The following CA10 variants were observed in gnomAD, a reference collection of about 807,000 sequenced individuals.
The protein encoded by CA10 is carbonic anhydrase 10 (inactive), also known as carbonic anhydrase-related protein 10.
CA10 carries 14 observed loss-of-function variants against 44.2 expected under a neutral mutation model. That is an observed-to-expected ratio of 0.32 (90% CI 0.21 to 0.50). The LOEUF is 0.50. Ranked by LOEUF, CA10 falls within the 20% of genes least tolerant of loss-of-function variation. The probability of loss-of-function intolerance (pLI) is 0.99; values close to 1 mark genes in which losing one functional copy is unlikely to be tolerated. For missense variants in CA10, 350 were observed against 409.7 expected, an observed-to-expected ratio of 0.85 and a Z score of 1.26; for synonymous variants, 159 against 141.6, an observed-to-expected ratio of 1.12 and a Z score of -0.87.
At chr17:51,803,407 G>C (rs997017341) in intron 3 of CA10, among the ~76,000 whole-genome samples, 3 of 151,992 alleles carry the variant, frequency 2.0e-5, no homozygotes, top group African/African-American at 7.3e-5. Context: ...GCCTCAGCTG[G>C]AGACTACACT....
chr17:51,750,475 G>A (rs1904854382), intron 3 of CA10, among the ~76,000 whole-genome samples: 1 of 150,468 alleles, frequency 6.6e-6, no homozygotes, highest in African/African-American at 2.4e-5. Flanking sequence ...ATGTTTAGCT[G>A]ATTGTTGAAT....
intron 2 of CA10, among the ~76,000 whole-genome samples, chr17:52,050,360 T>C (rs776759975): frequency 5.3e-5 from 8 of 152,046 alleles, no homozygotes; most frequent in South Asian, 2.1e-4. Context: ...CCAAGTCTAG[T>C]CACTGTTATT....
chr17:51,979,475 T>C (rs1984579074), intron 2 of CA10, among the ~76,000 whole-genome samples: 1 of 152,098 alleles, frequency 6.6e-6, no homozygotes, highest in African/African-American at 2.4e-5. Flanking sequence ...TCTGCTCCTC[T>C]CCCTTCTCTT....
intron 2 of CA10, among the ~76,000 whole-genome samples, chr17:52,034,795 T>A (rs1238863304): frequency 1.3e-5 from 2 of 152,172 alleles, no homozygotes; most frequent in Non-Finnish European, 2.9e-5. Flanking sequence ...AAATAAGTGA[T>A]GGTGAAATAA....
intron 2 of CA10, among the ~76,000 whole-genome samples, chr17:52,015,054 G>A (rs925570174): frequency 1.3e-5 from 2 of 151,998 alleles, no homozygotes; most frequent in Admixed American, 6.6e-5. Flanking sequence ...TATAGTATGT[G>A]CAATAATTAT....
chr17:51,654,690 A>G (rs1353865111), intron 4 of CA10, among the ~76,000 whole-genome samples: 4 of 151,838 alleles, frequency 2.6e-5, no homozygotes, highest in African/African-American at 7.3e-5. Flanking sequence ...CCAAGTAGCT[A>G]GGACTACAGG....
intron 3 of CA10, among the ~76,000 whole-genome samples, chr17:51,875,161 A>G (rs926121502): frequency 6.6e-6 from 1 of 151,978 alleles, no homozygotes; most frequent in Non-Finnish European, 1.5e-5. Context: ...TTTTTTAGAG[A>G]TAGGGTCTCC....
chr17:52,085,421 A>G (rs1402853636), intron 1 of CA10, among the ~76,000 whole-genome samples: 3 of 152,218 alleles, frequency 2.0e-5, no homozygotes, highest in African/African-American at 7.2e-5. Context: ...AGACATGCAC[A>G]GAGTCTTCCT....
intron 4 of CA10, among the ~76,000 whole-genome samples, chr17:51,704,171 A>ATGAT (rs1915689384): frequency 6.6e-6 from 1 of 152,194 alleles, no homozygotes; most frequent in Admixed American, 6.5e-5. Flanking sequence ...GCATGCATCT[A>ATGAT]TCATTCATTC....
At chr17:51,695,781 G>C (rs181295636) in intron 4 of CA10, among the ~76,000 whole-genome samples, 1 of 152,164 alleles carries the variant, frequency 6.6e-6, no homozygotes, top group Non-Finnish European at 1.5e-5. Context: ...TGCCTATTCA[G>C]TATAATGTTG....
chr17:51,775,084 T>TTA (rs1905768124), intron 3 of CA10, among the ~76,000 whole-genome samples: 1 of 152,144 alleles, frequency 6.6e-6, no homozygotes, highest in South Asian at 2.1e-4. Context: ...CTGGACTCTC[T>TTA]GCCCCATTCT....
At chr17:52,097,171 T>C (rs938510756) in intron 1 of CA10, among the ~76,000 whole-genome samples, 13 of 152,120 alleles carry the variant, frequency 8.5e-5, no homozygotes, top group African/African-American at 3.1e-4. Flanking sequence ...AGTATGCCTA[T>C]CTTGGAACAA....
chr17:52,151,197 A>C (rs1332937349), intron 1 of CA10, among the ~76,000 whole-genome samples: 1 of 152,182 alleles, frequency 6.6e-6, no homozygotes, highest in Non-Finnish European at 1.5e-5. Flanking sequence ...TGTGGTTTAC[A>C]ATCCCCTTCA....
In CA10 at chr17:51,631,399, T is replaced by G. The variant is rs981036347; in HGVS notation, c.*185A>C. On this transcript the variant is annotated 3_prime_UTR_variant, in exon 9 of 9. Coordinates refer to ENST00000451037, the MANE Select transcript of CA10 (RefSeq NM_020178.5). ...GTGCTTGTGTGTGTGTTTGTGAGTA[T>G]GTGTGAGAGATGTATTCCTCTGCCA... The G allele has an allele frequency of 2.9e-6, 2 of 678,460 alleles. No individual in the cohort carries two copies. The highest frequency in any genetic ancestry group is 2.4e-5 in the Admixed American group (1 of 42,492). 42.0% of individuals were successfully genotyped at this position (678,460 alleles called of 1,614,324 possible). A position where few individuals can be genotyped will look rare whatever the true frequency, so the allele number is the denominator to read the frequency against.
chr17:52,075,113 TTACA>T (rs921590339), intron 1 of CA10, among the ~76,000 whole-genome samples: 1 of 152,170 alleles, frequency 6.6e-6, no homozygotes, highest in African/African-American at 2.4e-5. Context: ...GAGTGCTAAT[TTACA>T]TACATAATTT....
chr17:51,720,446 T>C (rs1186993374), intron 4 of CA10, among the ~76,000 whole-genome samples: 2 of 152,078 alleles, frequency 1.3e-5, no homozygotes, highest in African/African-American at 2.4e-5. Flanking sequence ...ACCAACTCAG[T>C]AGAGGGTTGA....
rs1915957829 is a variant in CA10 at position 51,712,006 on chromosome 17, T to TTC, written c.465+35625_465+35626dup. ...GGTCTACATGACTGGACCAAGGAAC[T>TTC]TCTGCCTCATAGAGATTGTTGAGTG... is the stretch of plus-strand genomic sequence containing the variant. On this transcript the variant is annotated intron_variant, in intron 4 of 8. Transcript: ENST00000451037. Among the ~76,000 whole-genome samples the TTC allele has an allele frequency of 4.6e-5, 7 of 152,276 alleles. No individual in the cohort carries two copies. The South Asian group carries it at 1.5e-3, about 32-fold the overall frequency.
At chr17:51,949,719 G>C (rs1983413020) in intron 2 of CA10, among the ~76,000 whole-genome samples, 1 of 152,132 alleles carries the variant, frequency 6.6e-6, no homozygotes, top group Non-Finnish European at 1.5e-5. Context: ...CAAATGTTGA[G>C]CAGGAACTAC....
chr17:51,885,361 T>C (rs1980551664), intron 3 of CA10, among the ~76,000 whole-genome samples: 1 of 152,194 alleles, frequency 6.6e-6, no homozygotes, highest in Non-Finnish European at 1.5e-5. Flanking sequence ...CACTGAAGTT[T>C]TCACCCTTAG....
Sources: gnomAD v4.1 joint callset for allele counts (sites outside exome capture counted in the v4.1 genomes callset) on GRCh38, gnomAD v4.1.1 for gene constraint, MANE v1.5 for transcripts, NCBI Gene and HGNC (gene_info 2026-07-23, HGNC 2026-07-21) for gene names.